The following DCT variants were observed in gnomAD, a reference collection of about 807,000 sequenced individuals.
DCT encodes dopachrome tautomerase.
DCT carries 47 observed loss-of-function variants against 53.0 expected under a neutral mutation model. The observed-to-expected ratio is 0.89, with a 90% confidence interval of 0.70 to 1.13. DCT has a LOEUF of 1.13. DCT is among the 50% of genes most tolerant of loss of function. DCT has a pLI of 0.00. For missense variants in DCT, 669 were observed against 637.4 expected (o/e 1.05, Z -0.53); for synonymous variants, 244 against 237.0 (o/e 1.03, Z -0.27).
At chr13:94,455,381 T>G (rs867125276) in intron 6 of DCT, among the ~76,000 whole-genome samples, 11 of 141,652 alleles carry the variant, frequency 7.8e-5, no homozygotes, top group South Asian at 2.3e-4. Flanking sequence ...GACTGTCTCT[T>G]AGAGAGAGAG....
intron 6 of DCT, among the ~76,000 whole-genome samples, chr13:94,452,432 A>C (rs1332417939): frequency 6.6e-6 from 1 of 152,250 alleles, no homozygotes; most frequent in African/African-American, 2.4e-5. Flanking sequence ...TGACACAGGG[A>C]CAAAGAGCAT....
chr13:94,484,227 G>A (rs1885569137), upstream of DCT, among the ~76,000 whole-genome samples: 1 of 152,110 alleles, frequency 6.6e-6, no homozygotes, highest in Non-Finnish European at 1.5e-5. Flanking sequence ...CTTGGAAGAG[G>A]TCCACCTTAC....
At chr13:94,455,367 G>C (rs970707778) in intron 6 of DCT, among the ~76,000 whole-genome samples, 1 of 141,378 alleles carries the variant, frequency 7.1e-6, no homozygotes, top group African/African-American at 2.7e-5. Flanking sequence ...GGGCAACAGA[G>C]AGAGACTGTC....
the DCT span, among the ~76,000 whole-genome samples, chr13:94,541,165 T>C: frequency 6.6e-6 from 1 of 151,922 alleles, no homozygotes; most frequent in Admixed American, 6.6e-5. Context: ...GATAAAGAGG[T>C]GTTGTCTAAT....
the DCT span, among the ~76,000 whole-genome samples, chr13:94,521,548 T>C: frequency 6.6e-6 from 1 of 152,182 alleles, no homozygotes; most frequent in Non-Finnish European, 1.5e-5. Context: ...CCTGTGCCTG[T>C]AGTCCCAGCT....
At chr13:94,546,146 G>A in the DCT span, among the ~76,000 whole-genome samples, 1 of 152,198 alleles carries the variant, frequency 6.6e-6, no homozygotes, top group Non-Finnish European at 1.5e-5. The surrounding 1 kb of genome is among the most constrained non-coding windows in gnomAD (Gnocchi z 4.2). Flanking sequence ...CTCCTACAAA[G>A]GCAATCAAGG....
At chr13:94,546,591 G>C in the DCT span, among the ~76,000 whole-genome samples, 1 of 152,224 alleles carries the variant, frequency 6.6e-6, no homozygotes, top group East Asian at 1.9e-4. This position sits in a 1 kb window ranked among gnomAD's most constrained non-coding sequence, Gnocchi z 4.2. Context: ...AGTCAGGCAT[G>C]AGCACAGCAG....
At chr13:94,452,597 C>T (rs372608257) in intron 6 of DCT, 46 of 758,890 alleles carry the variant, frequency 6.1e-5, no homozygotes, top group Admixed American at 1.8e-5. Flanking sequence ...ATTCTATTCT[C>T]TTTACTTACC....
chr13:94,494,563 A>C, the DCT span, among the ~76,000 whole-genome samples: 1 of 152,102 alleles, frequency 6.6e-6, no homozygotes, highest in African/African-American at 2.4e-5. Context: ...AATGTGTGGA[A>C]TTTTGTTTAA....
the DCT span, among the ~76,000 whole-genome samples, chr13:94,488,545 T>C: frequency 6.6e-6 from 1 of 151,856 alleles, no homozygotes; most frequent in Admixed American, 6.6e-5. Context: ...CGTAACCTAT[T>C]TCTACAAAAA....
chr13:94,525,427 G>GCCA, the DCT span, among the ~76,000 whole-genome samples: 1 of 152,070 alleles, frequency 6.6e-6, no homozygotes, highest in Non-Finnish European at 1.5e-5. Context: ...TGATGTTTAG[G>GCCA]CCACTCGGTT....
chr13:94,479,287 C>G lies in DCT; in HGVS notation c.-32G>C, dbSNP rs760183289. The G allele has an allele frequency of 4.4e-5, 65 of 1,490,674 alleles. No individual in the cohort carries two copies. The highest frequency in any genetic ancestry group is 5.2e-5 in the Non-Finnish European group (58 of 1,107,736). 92.3% of individuals were successfully genotyped at this position (1,490,674 alleles called of 1,614,324 possible). A position where few individuals can be genotyped will look rare whatever the true frequency, so the allele number is the denominator to read the frequency against. Reference sequence around the variant, plus strand: ...ATAATTGGGAGAGCTCTCTCTCTCTCTTACTTTCCTTGTCTCTGTCGTACT... The same window carrying G: ...ATAATTGGGAGAGCTCTCTCTCTCTGTTACTTTCCTTGTCTCTGTCGTACT... On this transcript the variant is annotated 5_prime_UTR_variant, in exon 1 of 8. Transcript: ENST00000377028.
the DCT span, among the ~76,000 whole-genome samples, chr13:94,488,777 A>G: frequency 1.3e-5 from 2 of 151,418 alleles, no homozygotes; most frequent in Non-Finnish European, 2.9e-5. Flanking sequence ...CACGCCATAT[A>G]TATACATACA....
intron 6 of DCT, among the ~76,000 whole-genome samples, chr13:94,446,285 T>A (rs1263788676): frequency 1.3e-5 from 2 of 152,202 alleles, no homozygotes; most frequent in African/African-American, 4.8e-5. Flanking sequence ...ATGGTTGTTA[T>A]CACTATGACT....
At chr13:94,499,155 G>A in the DCT span, among the ~76,000 whole-genome samples, 1 of 152,146 alleles carries the variant, frequency 6.6e-6, no homozygotes, top group Non-Finnish European at 1.5e-5. Flanking sequence ...CCACCTGTAA[G>A]AGCTGTAACA....
the DCT span, among the ~76,000 whole-genome samples, chr13:94,492,682 ACAT>A: frequency 1.3e-5 from 2 of 152,166 alleles, no homozygotes; most frequent in Non-Finnish European, 2.9e-5. Flanking sequence ...AATTTTTTTC[ACAT>A]TATTTATAAG....
upstream of DCT, among the ~76,000 whole-genome samples, chr13:94,482,376 T>G (rs1166026757): frequency 6.6e-6 from 1 of 152,246 alleles, no homozygotes; most frequent in Non-Finnish European, 1.5e-5. Context: ...ATTTCCACCT[T>G]GGCCTTTGTC....
intron 1 of DCT, among the ~76,000 whole-genome samples, chr13:94,470,362 A>G (rs1319076841): frequency 1.3e-5 from 2 of 152,202 alleles, no homozygotes; most frequent in African/African-American, 2.4e-5. Flanking sequence ...GGACAGGACT[A>G]ATAAGATCAA....
the DCT span, among the ~76,000 whole-genome samples, chr13:94,515,131 G>A: frequency 5.9e-5 from 9 of 152,170 alleles, no homozygotes; most frequent in African/African-American, 2.2e-4. Context: ...ACCCTGGGCA[G>A]AACCCAACGA....
Sources: allele counts gnomAD v4.1 joint callset (sites outside exome capture counted in the v4.1 genomes callset), GRCh38; gene constraint gnomAD v4.1.1; non-coding constraint Gnocchi (gnomAD v3.1); transcripts MANE v1.5; gene names NCBI Gene and HGNC (gene_info 2026-07-23, HGNC 2026-07-21).